The following NAV2 variants were observed in gnomAD, a reference collection of about 807,000 sequenced individuals.
NAV2 encodes helicase, APC down-regulated 1.
In NAV2, 54 loss-of-function variants were observed where a neutral mutation model predicts 223.2. The observed-to-expected ratio is 0.24, with a 90% confidence interval of 0.19 to 0.30. The LOEUF is 0.30. Ranked by LOEUF, NAV2 falls within the 10% of genes least tolerant of loss-of-function variation. The pLI is 1.00. For synonymous variants in NAV2, 1,279 were observed against 1,239.3 expected (o/e 1.03, Z -0.67); for missense variants, 2,806 against 3,147.5 (o/e 0.89, Z 2.60).
intron 1 of NAV2, among the ~76,000 whole-genome samples, chr11:19,798,283 C>T (rs1325283727): frequency 1.3e-5 from 2 of 152,222 alleles, no homozygotes; most frequent in African/African-American, 2.4e-5. Context: ...AAGAGAAGTG[C>T]TCAGACGTGA....
chr11:19,482,390 C>T (rs1218046833), intron 1 of NAV2, among the ~76,000 whole-genome samples: 1 of 152,170 alleles, frequency 6.6e-6, no homozygotes, highest in Non-Finnish European at 1.5e-5. Flanking sequence ...TACAGTGAAA[C>T]TCAACTGTCC....
At chr11:19,554,733 G>A (rs1165411615) in intron 1 of NAV2, among the ~76,000 whole-genome samples, 1 of 152,072 alleles carries the variant, frequency 6.6e-6, no homozygotes, top group Non-Finnish European at 1.5e-5. Context: ...TTGGGAGGCC[G>A]AGGCGGGCAG....
intron 1 of NAV2, among the ~76,000 whole-genome samples, chr11:19,373,818 T>C (rs928430653): frequency 6.6e-6 from 1 of 152,204 alleles, no homozygotes; most frequent in Non-Finnish European, 1.5e-5. Flanking sequence ...CAGTGAATAT[T>C]TGTTACATGT....
chr11:19,895,329 G>A (rs1038172024), intron 6 of NAV2, among the ~76,000 whole-genome samples: 3 of 151,596 alleles, frequency 2.0e-5, no homozygotes, highest in South Asian at 2.1e-4. Context: ...TGCCCGCCTC[G>A]GCCTGCCAAA....
chr11:19,400,671 C>T (rs1454803780), intron 1 of NAV2, among the ~76,000 whole-genome samples: 1 of 152,160 alleles, frequency 6.6e-6, no homozygotes, highest in Non-Finnish European at 1.5e-5. Context: ...GAAAAAGGTA[C>T]CCTTCTTCAA....
chr11:19,622,979 G>A (rs549775639), intron 1 of NAV2, among the ~76,000 whole-genome samples: 5 of 152,290 alleles, frequency 3.3e-5, no homozygotes, highest in South Asian at 2.1e-4. Context: ...AAATCTCTCA[G>A]CATTTGCTTG....
chr11:19,543,807 G>A (rs2044406190), intron 1 of NAV2, among the ~76,000 whole-genome samples: 1 of 152,052 alleles, frequency 6.6e-6, no homozygotes, highest in African/African-American at 2.4e-5. Context: ...CCTCTCAACT[G>A]CATCAAATAC....
At chr11:19,473,426 T>G (rs2042024976) in intron 1 of NAV2, among the ~76,000 whole-genome samples, 1 of 152,150 alleles carries the variant, frequency 6.6e-6, no homozygotes, top group Non-Finnish European at 1.5e-5. Flanking sequence ...ACCTCATAAT[T>G]CGTAAGTCAG....
chr11:19,883,780 A>G (rs1267436585), intron 5 of NAV2, among the ~76,000 whole-genome samples: 1 of 152,230 alleles, frequency 6.6e-6, no homozygotes, highest in Non-Finnish European at 1.5e-5. Flanking sequence ...AGTGAGTTTA[A>G]CAAGCATTAA....
intron 1 of NAV2, among the ~76,000 whole-genome samples, chr11:19,828,387 T>G (rs2059757151): frequency 1.2e-5 from 1 of 85,082 alleles, no homozygotes; most frequent in African/African-American, 4.9e-5. Context: ...CTATTCTACT[T>G]CGTCTCTATG....
Position 19,621,444 on chromosome 11 carries a change from G to T in NAV2, c.76-211040G>T, listed in dbSNP as rs375956467. Among the ~76,000 whole-genome samples, 4 of 152,254 alleles carry T rather than the reference G, an allele frequency of 2.6e-5. 1 individual carries two copies. The South Asian group carries it at 8.3e-4, about 32-fold the overall frequency. ...GCCTCAATTTCGGAGCCTGTTATTG[G>T]TCTATTCAGAGATTCAACTTCTTCC... On this transcript the variant is annotated intron_variant, in intron 1 of 37. Coordinates refer to the NAV2 transcript ENST00000360655.
intron 1 of NAV2, among the ~76,000 whole-genome samples, chr11:19,779,126 C>A (rs777765318): frequency 2.0e-5 from 3 of 152,114 alleles, no homozygotes; most frequent in Non-Finnish European, 2.9e-5. Context: ...AGGGGTCAGC[C>A]TTTATTGGGT....
intron 4 of NAV2, 53 bp downstream of exon 4, chr11:19,869,050 C>G: frequency 6.6e-7 from 1 of 1,513,802 alleles, no homozygotes; most frequent in South Asian, 1.1e-5. Flanking sequence ...GAAATGCCCA[C>G]CTGTTACTTA....
chr11:19,726,373 A>C (rs1056819280), intron 1 of NAV2, among the ~76,000 whole-genome samples: 2 of 152,108 alleles, frequency 1.3e-5, no homozygotes, highest in Non-Finnish European at 2.9e-5. Flanking sequence ...GGAACCTTAG[A>C]ACTATATCAC....
chr11:19,598,445 A>G (rs1018600469), intron 1 of NAV2, among the ~76,000 whole-genome samples: 4 of 152,098 alleles, frequency 2.6e-5, no homozygotes, highest in African/African-American at 9.7e-5. Context: ...TGTCTTTTTA[A>G]CTTTTATCCT....
chr11:20,045,161 C>T lies in NAV2; in HGVS notation c.3393C>T (p.Gly1131=), dbSNP rs1167915222. The T allele has an allele frequency of 5.0e-6, 8 of 1,614,030 alleles. No individual in the cohort carries two copies. Among genetic ancestry groups the T allele is most frequent in the Non-Finnish European group, 6.8e-6 (8 of 1,180,014 alleles). ...GFKKQSGSAA[G]LAMITASGVT... ...AGAAGCAGAGTGGTTCCGCCGCCGG[C>T]CTGGCCATGATCACAGCCAGCGGGG... Residue 1131 remains glycine, a synonymous_variant, in exon 14 of 38, where the codon GGC becomes GGT. Transcript: ENST00000349880.
chr11:19,458,916 T>C (rs1186923978), intron 1 of NAV2, among the ~76,000 whole-genome samples: 2 of 152,258 alleles, frequency 1.3e-5, no homozygotes, highest in East Asian at 3.8e-4. Context: ...CCTGTGAGAC[T>C]GTGCAGGCCA....
intron 1 of NAV2, among the ~76,000 whole-genome samples, chr11:19,361,579 C>T (rs1045243206): frequency 1.3e-5 from 2 of 152,060 alleles, no homozygotes; most frequent in African/African-American, 2.4e-5. Flanking sequence ...ATGCCATCCA[C>T]AGTCCTGAGG....
At chr11:19,476,051 T>A (rs2133964565) in intron 1 of NAV2, among the ~76,000 whole-genome samples, 1 of 152,276 alleles carries the variant, frequency 6.6e-6, no homozygotes. Flanking sequence ...CTTGGCTCAC[T>A]GTAACCTCCG....
Sources: gnomAD v4.1 joint callset for allele counts (sites outside exome capture counted in the v4.1 genomes callset) on GRCh38, gnomAD v4.1.1 for gene constraint, MANE v1.5 for transcripts, NCBI Gene and HGNC (gene_info 2026-07-23, HGNC 2026-07-21) for gene names.